The following CSMD1 variants were observed in gnomAD, a reference collection of about 807,000 sequenced individuals.
The protein encoded by CSMD1 is CUB and sushi domain-containing protein 1.
A neutral mutation model predicts 417.5 loss-of-function variants in CSMD1; 213 were observed. That is an observed-to-expected ratio of 0.51 (90% CI 0.46 to 0.57). The LOEUF (loss-of-function observed/expected upper bound fraction) is 0.57. CSMD1 is among the 20% of genes least tolerant of loss of function. CSMD1 has a pLI of 0.00. For synonymous variants in CSMD1, 2,862 were observed against 1,736.8 expected, an observed-to-expected ratio of 1.65 and a Z score of -16.11; for missense variants, 6,923 against 4,529.7, an observed-to-expected ratio of 1.53 and a Z score of -15.17.
intron 3 of CSMD1, among the ~76,000 whole-genome samples, chr8:4,078,369 C>T (rs1270002398): frequency 1.4e-5 from 2 of 137,974 alleles, no homozygotes; most frequent in Non-Finnish European, 1.5e-5. Flanking sequence ...GGCTGGAGTG[C>T]AGTGGCGTGA....
At chr8:3,853,152 G>A (rs906956118) in intron 5 of CSMD1, among the ~76,000 whole-genome samples, 3 of 152,098 alleles carry the variant, frequency 2.0e-5, no homozygotes, top group Non-Finnish European at 4.4e-5. Flanking sequence ...CGCGTCCCTT[G>A]GCTTCAAGGA....
intron 23 of CSMD1, among the ~76,000 whole-genome samples, chr8:3,332,602 A>G (rs1806976693): frequency 6.6e-6 from 1 of 152,268 alleles, no homozygotes; most frequent in African/African-American, 2.4e-5. Flanking sequence ...TTAAAAGTAC[A>G]TGTAAGCAAT....
intron 3 of CSMD1, among the ~76,000 whole-genome samples, chr8:4,222,307 T>G (rs1457470781): frequency 6.6e-6 from 1 of 152,146 alleles, no homozygotes; most frequent in African/African-American, 2.4e-5. Flanking sequence ...TTAGGCAATT[T>G]GGAAAACTTG....
intron 26 of CSMD1, among the ~76,000 whole-genome samples, chr8:3,269,995 G>A (rs35814795): frequency 0.27 from 40,530 of 150,528 alleles, 5,700 homozygotes; most frequent in African/African-American, 0.34. Flanking sequence ...CCATCAACAT[G>A]CACGTAGACA....
chr8:4,903,428 A>T (rs1430046070), intron 1 of CSMD1, among the ~76,000 whole-genome samples: 1 of 152,078 alleles, frequency 6.6e-6, no homozygotes, highest in Non-Finnish European at 1.5e-5. Context: ...GACTTTTTTT[A>T]CCCTTGAGAA....
chr8:4,691,314 T>C (rs1481208917), intron 1 of CSMD1, among the ~76,000 whole-genome samples: 1 of 152,194 alleles, frequency 6.6e-6, no homozygotes, highest in African/African-American at 2.4e-5. Context: ...TTTAATTTTC[T>C]TTCCTGATAA....
chr8:3,702,492 T>G (rs1800926785), intron 7 of CSMD1, among the ~76,000 whole-genome samples: 1 of 152,156 alleles, frequency 6.6e-6, no homozygotes, highest in Non-Finnish European at 1.5e-5. Context: ...AGAAGAATGC[T>G]CAGAAGAAGA....
intron 2 of CSMD1, among the ~76,000 whole-genome samples, chr8:4,553,503 G>A (rs1168872361): frequency 6.7e-6 from 1 of 149,662 alleles, no homozygotes; most frequent in African/African-American, 2.5e-5. Context: ...AGGAGGGAGA[G>A]ACTGCTTAAA....
intron 12 of CSMD1, among the ~76,000 whole-genome samples, chr8:3,421,888 T>C (rs1203129056): frequency 1.4e-5 from 2 of 146,270 alleles, no homozygotes; most frequent in African/African-American, 5.5e-5. Flanking sequence ...TCCACCCACC[T>C]TGGCCGCCCA....
intron 5 of CSMD1, among the ~76,000 whole-genome samples, chr8:3,881,814 C>T (rs962837681): frequency 6.6e-6 from 1 of 151,956 alleles, no homozygotes; most frequent in Non-Finnish European, 1.5e-5. Flanking sequence ...AAGGGAAGAA[C>T]AGAAGTGAGA....
At chr8:4,279,577 G>A (rs1263288691) in intron 3 of CSMD1, among the ~76,000 whole-genome samples, 2 of 152,056 alleles carry the variant, frequency 1.3e-5, no homozygotes, top group Admixed American at 6.6e-5. Flanking sequence ...CTGCAGACAC[G>A]GTTTTATTGC....
At chr8:4,011,146 G>C (rs987396467) in intron 4 of CSMD1, among the ~76,000 whole-genome samples, 42 of 152,262 alleles carry the variant, frequency 2.8e-4, no homozygotes, top group African/African-American at 9.6e-4. Flanking sequence ...CTTCAATTTT[G>C]ATGCCTACTT....
intron 1 of CSMD1, among the ~76,000 whole-genome samples, chr8:4,703,904 C>T (rs1260647017): frequency 1.3e-5 from 2 of 152,090 alleles, no homozygotes. Flanking sequence ...TGAAACTGTT[C>T]CACCTCAGAT....
At chr8:3,957,796 T>C (rs968209633) in intron 5 of CSMD1, among the ~76,000 whole-genome samples, 3 of 152,084 alleles carry the variant, frequency 2.0e-5, no homozygotes, top group African/African-American at 7.2e-5. Context: ...AATAATGTTG[T>C]TAGTTTCATA....
intron 1 of CSMD1, among the ~76,000 whole-genome samples, chr8:4,753,451 G>A (rs1439277865): frequency 1.4e-5 from 2 of 143,910 alleles, no homozygotes; most frequent in Admixed American, 6.8e-5. Flanking sequence ...ACACACATGC[G>A]CACACACTCC....
intron 1 of CSMD1, among the ~76,000 whole-genome samples, chr8:4,741,796 C>T (rs1054780120): frequency 6.6e-6 from 1 of 152,050 alleles, no homozygotes; most frequent in African/African-American, 2.4e-5. Flanking sequence ...TGCTTCTAAA[C>T]AGTGCCCTGG....
chr8:3,424,796 C>A (rs1469512933), intron 12 of CSMD1, among the ~76,000 whole-genome samples: 2 of 152,142 alleles, frequency 1.3e-5, no homozygotes, highest in Non-Finnish European at 2.9e-5. Context: ...AACAATTGCC[C>A]AAGAGTAATG....
chr8:3,996,589 G>C (rs17068462), intron 5 of CSMD1, among the ~76,000 whole-genome samples: 1,976 of 152,158 alleles, frequency 0.013, 53 homozygotes, highest in African/African-American at 0.045. Flanking sequence ...GTTAGACATA[G>C]CGAGATAGGT....
At chr8:4,747,954 GC>G (rs1811063362) in intron 1 of CSMD1, among the ~76,000 whole-genome samples, 1 of 152,182 alleles carries the variant, frequency 6.6e-6, no homozygotes. Flanking sequence ...CATATGTTCT[GC>G]CTTCTACTTA....
Sources: allele counts gnomAD v4.1 joint callset (sites outside exome capture counted in the v4.1 genomes callset), GRCh38; gene constraint gnomAD v4.1.1; transcripts MANE v1.5; gene names NCBI Gene and HGNC (gene_info 2026-07-23, HGNC 2026-07-21).